WDR27: variants seen among roughly 807,000 people sequenced by gnomAD.
WDR27 encodes WD repeat-containing protein 27.
Under a neutral mutation model 114.4 loss-of-function variants are expected in WDR27, and 100 were observed. The observed-to-expected ratio is 0.87, with a 90% CI of 0.74 to 1.03. The LOEUF is 1.03. WDR27 is among the 50% of genes least tolerant of loss of function. The pLI, the probability that WDR27 is intolerant of heterozygous loss-of-function variation, is 0.00. For synonymous variants in WDR27, 449 were observed against 423.1 expected (o/e 1.06, Z -0.75); for missense variants, 1,129 against 1,092.9 (o/e 1.03, Z -0.47).
At chr6:169,622,481 G>A (rs759164085) in intron 21 of WDR27, among the ~76,000 whole-genome samples, 10 of 152,152 alleles carry the variant, frequency 6.6e-5, no homozygotes, top group Non-Finnish European at 7.3e-5. Flanking sequence ...TGAATTAAGA[G>A]TTCAGCCCAA....
At chr6:169,608,310 G>C (rs1355327414) in intron 22 of WDR27, among the ~76,000 whole-genome samples, 1 of 152,138 alleles carries the variant, frequency 6.6e-6, no homozygotes, top group East Asian at 1.9e-4. Context: ...CAATTGTAAA[G>C]ATATGGAACC....
At chr6:169,584,124 A>G (rs1186177549) in intron 23 of WDR27, among the ~76,000 whole-genome samples, 4 of 151,812 alleles carry the variant, frequency 2.6e-5, no homozygotes, top group African/African-American at 9.7e-5. Context: ...TGTGTCTTTG[A>G]GCTCTTGTTA....
chr6:169,458,967 A>T (rs558525358), intron 25 of WDR27, among the ~76,000 whole-genome samples: 1 of 151,984 alleles, frequency 6.6e-6, no homozygotes, highest in Non-Finnish European at 1.5e-5. Context: ...GACAAAAAAA[A>T]TCAAACCCAG....
rs1471214297 is a variant in WDR27, at chr6:169,638,243, G to A, written c.1869+296C>T. 7.1e-5 allele frequency among the ~76,000 whole-genome samples: 6 copies of A among 84,924 alleles called. 1 individual carries two copies. The highest frequency in any genetic ancestry group is 1.0e-4 in the Admixed American group (1 of 9,922). 55.7% of individuals were successfully genotyped at this position (84,924 alleles called of 152,430 possible). A position where few individuals can be genotyped will look rare whatever the true frequency, so the allele number is the denominator to read the frequency against. ...AGGCAGGAGAATGGCGTGAACCCGG[G>A]AAGCGGAGCTTGCAGTGAGCCGAGA... On this transcript the variant is annotated intron_variant, in intron 18 of 25. Coordinates refer to ENST00000448612, the MANE Select transcript of WDR27 (RefSeq NM_182552.5).
chr6:169,662,661 C>T (rs571761016), intron 8 of WDR27, among the ~76,000 whole-genome samples: 4 of 145,280 alleles, frequency 2.8e-5, no homozygotes, highest in East Asian at 2.1e-4. Flanking sequence ...GCGCATGCAC[C>T]GCGGAGCATT....
At position 169,684,915 on chromosome 6, in the gene WDR27, C is replaced by G. The variant is rs1457685713; in HGVS notation, c.189+3902G>C. On this transcript the variant is annotated intron_variant, in intron 2 of 25. Coordinates refer to ENST00000448612, the MANE Select transcript of WDR27 (RefSeq NM_182552.5). This position sits in a 1 kb window ranked among gnomAD's most constrained non-coding sequence, Gnocchi z 4.3. ...TCCCTGTGGCCCCAACCCCAGCAAG[C>G]CAGACCCCAAGTTGGCTGACCCTAT... Among the ~76,000 whole-genome samples the G allele has an allele frequency of 6.6e-6, 1 of 152,210 alleles. No homozygotes were observed. Among genetic ancestry groups the G allele is most frequent in the Non-Finnish European group, 1.5e-5 (1 of 68,038 alleles).
chr6:169,570,702 A>ATACC (rs1801259631), intron 25 of WDR27, among the ~76,000 whole-genome samples: 1 of 152,040 alleles, frequency 6.6e-6, no homozygotes, highest in African/African-American at 2.4e-5. Flanking sequence ...GGTGGCGGGC[A>ATACC]CCTGTAATCC....
At chr6:169,699,644 C>G (rs1379753924) in intron 1 of WDR27, among the ~76,000 whole-genome samples, 1 of 152,136 alleles carries the variant, frequency 6.6e-6, no homozygotes, top group Non-Finnish European at 1.5e-5. Context: ...ATAGCCACAT[C>G]AGATGAGACC....
intron 1 of WDR27, among the ~76,000 whole-genome samples, chr6:169,698,522 T>C (rs1786902264): frequency 6.6e-6 from 1 of 152,192 alleles, no homozygotes; most frequent in Non-Finnish European, 1.5e-5. Flanking sequence ...CCTAAAATCA[T>C]TTGTGTAAAA....
At chr6:169,616,131 A>G (rs1811780203) in intron 21 of WDR27, among the ~76,000 whole-genome samples, 2 of 152,196 alleles carry the variant, frequency 1.3e-5, no homozygotes, top group Admixed American at 6.5e-5. Flanking sequence ...AAATATAAGA[A>G]GACTGAACTT....
At chr6:169,565,004 C>T (rs1177760424) in intron 25 of WDR27, among the ~76,000 whole-genome samples, 1 of 151,894 alleles carries the variant, frequency 6.6e-6, no homozygotes, top group East Asian at 2.0e-4. Flanking sequence ...CCACCAGGTA[C>T]GCTGTCAGCG....
At chr6:169,651,037 C>T (rs1343349456) in intron 14 of WDR27, among the ~76,000 whole-genome samples, 3 of 152,030 alleles carry the variant, frequency 2.0e-5, no homozygotes, top group Admixed American at 2.0e-4. Flanking sequence ...ACAGAGTGGC[C>T]TGGGATTTCT....
the WDR27 span, among the ~76,000 whole-genome samples, chr6:169,428,594 C>T: frequency 0.29 from 2,292 of 7,950 alleles, 47 homozygotes; most frequent in East Asian, 0.4. Flanking sequence ...GGGGGTGGGA[C>T]GGTGGCGGGG....
At chr6:169,558,760 T>A (rs1335407601) in intron 25 of WDR27, 1 of 152,214 alleles carries the variant, frequency 6.6e-6, no homozygotes, top group Non-Finnish European at 1.5e-5. Flanking sequence ...TGCAGTTCCA[T>A]TCTGGATGCC....
intron 25 of WDR27, among the ~76,000 whole-genome samples, chr6:169,557,586 C>T (rs756144500): frequency 6.6e-5 from 10 of 152,202 alleles, no homozygotes; most frequent in Admixed American, 2.6e-4. Context: ...TCTTTATCTT[C>T]AATCTTTCCT....
chr6:169,511,473 A>C (rs1792856619), intron 25 of WDR27, among the ~76,000 whole-genome samples: 2 of 152,108 alleles, frequency 1.3e-5, no homozygotes, highest in African/African-American at 4.8e-5. Context: ...TTGAACCCCA[A>C]ATAAAGTGTT....
chr6:169,435,261 C>T, the WDR27 span, among the ~76,000 whole-genome samples: 3,670 of 152,322 alleles, frequency 0.024, 144 homozygotes, highest in African/African-American at 0.084. Context: ...GGGAGCCCCA[C>T]GGAGAACCTC....
intron 22 of WDR27, among the ~76,000 whole-genome samples, chr6:169,610,007 T>C (rs1196586319): frequency 1.3e-5 from 2 of 152,208 alleles, no homozygotes; most frequent in African/African-American, 2.4e-5. Context: ...TGCTAAAACA[T>C]AACAAAAGTC....
At chr6:169,666,766 G>A (rs191841133) in intron 6 of WDR27, 32 of 999,140 alleles carry the variant, frequency 3.2e-5, no homozygotes, top group Middle Eastern at 5.0e-4. Context: ...CCAAGCTCAC[G>A]CTGGATGGAC....
Sources: gnomAD v4.1 joint callset for allele counts (sites outside exome capture counted in the v4.1 genomes callset) on GRCh38, gnomAD v4.1.1 for gene constraint, Gnocchi (gnomAD v3.1) non-coding constraint, MANE v1.5 for transcripts, NCBI Gene and HGNC (gene_info 2026-07-23, HGNC 2026-07-21) for gene names.